TMEM117: variants seen among roughly 807,000 people sequenced by gnomAD.
TMEM117 encodes the protein transmembrane protein 117.
Under a neutral mutation model 52.4 loss-of-function variants are expected in TMEM117, and 27 were observed. The observed-to-expected ratio is 0.51, with a 90% CI of 0.38 to 0.71. The LOEUF (loss-of-function observed/expected upper bound fraction) is 0.71, where lower values mean the gene tolerates loss of function less well. Ranked by LOEUF, TMEM117 falls within the 30% of genes least tolerant of loss-of-function variation. The pLI is 0.00. For synonymous variants in TMEM117, 215 were observed against 206.3 expected (o/e 1.04, Z -0.36); for missense variants, 556 against 630.5 (o/e 0.88, Z 1.26).
intron 3 of TMEM117, among the ~76,000 whole-genome samples, chr12:44,062,204 A>G (rs1391039976): frequency 6.6e-6 from 1 of 152,214 alleles, no homozygotes; most frequent in East Asian, 1.9e-4. Context: ...GAATGCTATC[A>G]GATTCATTTT....
chr12:43,797,293 A>G, the TMEM117 span: 1 of 1,582,286 alleles, frequency 6.3e-7, no homozygotes, highest in African/African-American at 1.4e-5. Flanking sequence ...AAAACAATGT[A>G]TCATATACCT....
At chr12:44,029,730 G>A (rs955682830) in intron 3 of TMEM117, among the ~76,000 whole-genome samples, 1 of 152,212 alleles carries the variant, frequency 6.6e-6, no homozygotes. Context: ...AATTTGGTGT[G>A]TGTGTCTTTC....
chr12:44,336,500 G>T (rs1951342868), intron 6 of TMEM117, among the ~76,000 whole-genome samples: 1 of 151,902 alleles, frequency 6.6e-6, no homozygotes, highest in Non-Finnish European at 1.5e-5. Context: ...TACTATAGAA[G>T]TGTCAGCATT....
At chr12:44,185,838 T>C (rs1341831286) in intron 4 of TMEM117, among the ~76,000 whole-genome samples, 4 of 151,340 alleles carry the variant, frequency 2.6e-5, no homozygotes, top group African/African-American at 9.7e-5. Flanking sequence ...ACAGTTTATA[T>C]AGTTCTGCTC....
At chr12:44,088,127 TAACAGCTTAGTTCTGTTATAAA>T (rs1947603425) in intron 3 of TMEM117, among the ~76,000 whole-genome samples, 1 of 152,168 alleles carries the variant, frequency 6.6e-6, no homozygotes. Flanking sequence ...AAAAGTCAAA[TAACAGCTTAGTTCTGTTATAAA>T]AACAGTTTTG....
intron 6 of TMEM117, among the ~76,000 whole-genome samples, chr12:44,373,771 C>CTTTTTTTTTT (rs142046499): frequency 3.3e-5 from 2 of 60,040 alleles, no homozygotes; most frequent in African/African-American, 7.2e-5. Context: ...TGTCCATTTC[C>CTTTTTTTTTT]TTTTTTTTTT....
At chr12:43,938,433 A>G (rs537448854) in intron 2 of TMEM117, among the ~76,000 whole-genome samples, 46 of 152,046 alleles carry the variant, frequency 3.0e-4, no homozygotes, top group African/African-American at 1.0e-3. Context: ...CTTTTCATCC[A>G]TGGACAACAA....
chr12:43,935,509 A>G (rs1197425988), intron 2 of TMEM117, among the ~76,000 whole-genome samples: 2 of 152,210 alleles, frequency 1.3e-5, no homozygotes, highest in Non-Finnish European at 2.9e-5. Flanking sequence ...CTTCGGGTTC[A>G]TTTTATATAT....
rs558441379 is a variant in TMEM117 at position 44,272,558 on chromosome 12, A to G, written c.609-27022A>G. 2.6e-5 allele frequency among the ~76,000 whole-genome samples: 4 copies of G among 152,338 alleles called. No individual in the cohort carries two copies. The East Asian group carries it at 7.7e-4, about 29-fold the overall frequency. On this transcript the variant is annotated intron_variant, in intron 5 of 7. Transcript: ENST00000266534. ...AACAACCCCATCAACAAGTGGGCGA[A>G]GGATATGAACAAGACACTTCTCAAA...
At chr12:43,960,579 G>A (rs1418888249) in intron 3 of TMEM117, among the ~76,000 whole-genome samples, 5 of 152,156 alleles carry the variant, frequency 3.3e-5, no homozygotes, top group African/African-American at 1.2e-4. Context: ...CTCTGTGGGA[G>A]TGCTTTATTA....
intron 2 of TMEM117, among the ~76,000 whole-genome samples, chr12:43,932,934 A>G (rs908174542): frequency 2.0e-5 from 3 of 152,174 alleles, no homozygotes; most frequent in African/African-American, 7.2e-5. Flanking sequence ...CATAGGTACA[A>G]ATAATAGCAA....
At chr12:44,240,394 T>C (rs1950047394) in intron 5 of TMEM117, among the ~76,000 whole-genome samples, 1 of 152,108 alleles carries the variant, frequency 6.6e-6, no homozygotes, top group Admixed American at 6.6e-5. Context: ...GGCTCAAATC[T>C]AGTCACATGC....
At chr12:44,239,496 T>G (rs573505345) in intron 5 of TMEM117, among the ~76,000 whole-genome samples, 2 of 152,300 alleles carry the variant, frequency 1.3e-5, no homozygotes, top group South Asian at 4.1e-4. Flanking sequence ...AATTGTTATT[T>G]TTGTATGCCT....
intron 3 of TMEM117, among the ~76,000 whole-genome samples, chr12:43,981,787 T>C (rs1359340240): frequency 6.6e-6 from 1 of 151,876 alleles, no homozygotes; most frequent in Non-Finnish European, 1.5e-5. Flanking sequence ...ATATATGGAA[T>C]TGCAAAGAAA....
chr12:44,061,002 T>C (rs1947130802), intron 3 of TMEM117, among the ~76,000 whole-genome samples: 1 of 152,170 alleles, frequency 6.6e-6, no homozygotes, highest in Non-Finnish European at 1.5e-5. Flanking sequence ...CTTTATGTGT[T>C]TTAACTCATT....
At chr12:44,265,156 G>A (rs1230313325) in intron 5 of TMEM117, among the ~76,000 whole-genome samples, 3 of 152,238 alleles carry the variant, frequency 2.0e-5, no homozygotes, top group South Asian at 2.1e-4. Context: ...AGGTTTAAGC[G>A]GAACACTATA....
At chr12:44,335,954 G>C (rs915544105) in intron 6 of TMEM117, among the ~76,000 whole-genome samples, 29 of 152,014 alleles carry the variant, frequency 1.9e-4, no homozygotes, top group Non-Finnish European at 3.8e-4. Context: ...ATATGGATTT[G>C]TTGCAAAGAT....
In TMEM117 at chr12:44,257,188, A is replaced by G. The variant is rs553426661; in HGVS notation, c.609-42392A>G. 2.0e-3 allele frequency among the ~76,000 whole-genome samples: 302 copies of G among 151,886 alleles called. 2 individuals are homozygous for G. The highest frequency in any genetic ancestry group is 7.2e-3 in the African/African-American group (298 of 41,462). On this transcript the variant is annotated intron_variant, in intron 5 of 7. Transcript: ENST00000266534. ...AGAGAGAAGGAGAAGTTGCACACCC[A>G]TGGGAAGAGTTTTCCTCTTACGGTG...
chr12:44,227,752 C>T (rs118074302), intron 5 of TMEM117, among the ~76,000 whole-genome samples: 2,609 of 152,208 alleles, frequency 0.017, 31 homozygotes, highest in Middle Eastern at 0.037. Flanking sequence ...ATAGACTCAG[C>T]ACCATGTGAT....
Sources: allele counts gnomAD v4.1 joint callset (sites outside exome capture counted in the v4.1 genomes callset), GRCh38; gene constraint gnomAD v4.1.1; transcripts MANE v1.5; gene names NCBI Gene and HGNC (gene_info 2026-07-23, HGNC 2026-07-21).